Variants in IL1RAP observed in about 807,000 individuals in gnomAD.
The protein encoded by IL1RAP is interleukin 1 receptor accessory protein.
Under a neutral mutation model 60.7 loss-of-function variants are expected in IL1RAP, and 35 were observed. That is an observed-to-expected ratio of 0.58 (90% CI 0.44 to 0.76). The LOEUF (loss-of-function observed/expected upper bound fraction) is 0.76, where lower values mean the gene tolerates loss of function less well. IL1RAP is among the 30% of genes least tolerant of loss of function. The probability of loss-of-function intolerance (pLI) is 0.00; values close to 1 mark genes in which losing one functional copy is unlikely to be tolerated. For synonymous variants in IL1RAP, 268 were observed against 250.9 expected, an observed-to-expected ratio of 1.07 and a Z score of -0.64; for missense variants, 572 against 693.9, an observed-to-expected ratio of 0.82 and a Z score of 1.97.
chr3:190,605,333 G>GA (rs949649162), intron 4 of IL1RAP, among the ~76,000 whole-genome samples: 21 of 149,944 alleles, frequency 1.4e-4, no homozygotes, highest in Non-Finnish European at 2.1e-4. Flanking sequence ...TGTTTTTGGG[G>GA]AAAAAAACAA....
chr3:190,566,682 A>T (rs1254922847), intron 3 of IL1RAP, among the ~76,000 whole-genome samples: 1 of 152,182 alleles, frequency 6.6e-6, no homozygotes, highest in African/African-American at 2.4e-5. Flanking sequence ...TGCCTTCCTT[A>T]TGAAGAGGTG....
Position 190,649,751 on chromosome 3 carries a change from C to T in IL1RAP, c.*1046C>T. ...GGCATTAATATTCTAAGAGAATTAA[C>T]TGTATTTCCTGTCACCTATTCACTA... On this transcript the variant is annotated 3_prime_UTR_variant, in exon 12 of 12. Coordinates refer to ENST00000447382, the MANE Select transcript of IL1RAP (RefSeq NM_002182.4). 5 of 985,626 alleles carry T rather than the reference C, an allele frequency of 5.1e-6. No individual in the cohort carries two copies. The South Asian group carries it at 1.4e-4, about 28-fold the overall frequency. The allele number at this position is 985,626 out of a possible 1,614,324, so 61.1% of individuals were successfully genotyped here.
downstream of IL1RAP, chr3:190,656,066 C>CGCACCCAG: frequency 6.5e-7 from 1 of 1,537,212 alleles, no homozygotes. Context: ...CTTGAGCACC[C>CGCACCCAG]GCACCCAGGC....
At chr3:190,553,291 A>G (rs1725032473) in intron 1 of IL1RAP, among the ~76,000 whole-genome samples, 1 of 152,238 alleles carries the variant, frequency 6.6e-6, no homozygotes, top group South Asian at 2.1e-4. Flanking sequence ...TTTCATAATT[A>G]AAACTTTACA....
At chr3:190,646,619 A>G (rs983563337) in intron 11 of IL1RAP, among the ~76,000 whole-genome samples, 1 of 152,214 alleles carries the variant, frequency 6.6e-6, no homozygotes, top group Non-Finnish European at 1.5e-5. Context: ...TAATAAATAT[A>G]TAAGTTACAT....
chr3:190,518,294 A>C (rs1276193287), intron 1 of IL1RAP, among the ~76,000 whole-genome samples: 2 of 152,158 alleles, frequency 1.3e-5, no homozygotes, highest in African/African-American at 4.8e-5. Context: ...TTAGAAGCTT[A>C]AGTCCCTATT....
intron 4 of IL1RAP, among the ~76,000 whole-genome samples, 167 bp from the exon 5 acceptor site, chr3:190,608,828 C>CGATTCGTG (rs1553847804): frequency 2.1e-4 from 32 of 151,418 alleles, no homozygotes; most frequent in Non-Finnish European, 4.1e-4. Context: ...TCTGTGATGT[C>CGATTCGTG]AATTCGTGTA....
chr3:190,624,657 A>G, intron 7 of IL1RAP: 1 of 209,464 alleles, frequency 4.8e-6, no homozygotes, highest in East Asian at 1.1e-4. Flanking sequence ...GTAGTTGTTC[A>G]TGGAAAGCTG....
chr3:190,567,462 C>A (rs936802686), intron 3 of IL1RAP, among the ~76,000 whole-genome samples: 2 of 152,290 alleles, frequency 1.3e-5, no homozygotes, highest in African/African-American at 2.4e-5. Flanking sequence ...GTTGTAACTA[C>A]CTTTGTTGGG....
At chr3:190,587,331 G>A (rs1454857242) in intron 3 of IL1RAP, among the ~76,000 whole-genome samples, 1 of 152,128 alleles carries the variant, frequency 6.6e-6, no homozygotes, top group African/African-American at 2.4e-5. Flanking sequence ...TTAAATGAGG[G>A]CCATAATAAA....
At position 190,599,701 on chromosome 3, in the gene IL1RAP, G is replaced by GT. The variant is rs1191544633; in HGVS notation, c.65-4412dup. On this transcript the variant is annotated intron_variant, in intron 3 of 11. Coordinates refer to ENST00000447382, the MANE Select transcript of IL1RAP (RefSeq NM_002182.4). ...ATTGAGAACTTTCTTGGTATTTTGGGTTTTTTTTTTTTTTTGAAAGGTGTG... is the reference window on the plus strand; with the variant it reads ...ATTGAGAACTTTCTTGGTATTTTGGGTTTTTTTTTTTTTTTTGAAAGGTGTG... 6.8e-3 allele frequency among the ~76,000 whole-genome samples: 921 copies of GT among 135,000 alleles called. 6 individuals carry two copies. The highest frequency in any genetic ancestry group is 0.01 in the African/African-American group (376 of 37,180). 88.6% of individuals were successfully genotyped at this position (135,000 alleles called of 152,430 possible). A position where few individuals can be genotyped will look rare whatever the true frequency, so the allele number is the denominator to read the frequency against.
chr3:190,522,437 AT>A (rs1560136036), intron 1 of IL1RAP, among the ~76,000 whole-genome samples: 2 of 146,894 alleles, frequency 1.4e-5, no homozygotes, highest in East Asian at 3.9e-4. Context: ...CTATCTATCT[AT>A]CTATCTATCT....
intron 11 of IL1RAP, among the ~76,000 whole-genome samples, 153 bp downstream of exon 11, chr3:190,645,995 C>T (rs773220673): frequency 5.3e-5 from 8 of 152,250 alleles, no homozygotes; most frequent in Non-Finnish European, 1.0e-4. Flanking sequence ...AATAAAACTA[C>T]GTTGGAAATG....
At chr3:190,607,087 G>A (rs545411013) in intron 4 of IL1RAP, among the ~76,000 whole-genome samples, 1 of 152,178 alleles carries the variant, frequency 6.6e-6, no homozygotes, top group Non-Finnish European at 1.5e-5. Flanking sequence ...CACCTTCTGA[G>A]CGTTGTCACA....
chr3:190,583,155 T>G (rs1728150465), intron 3 of IL1RAP, among the ~76,000 whole-genome samples: 1 of 152,214 alleles, frequency 6.6e-6, no homozygotes, highest in Non-Finnish European at 1.5e-5. Flanking sequence ...TGTTGTTAAT[T>G]GGGTAATTAT....
intron 10 of IL1RAP, among the ~76,000 whole-genome samples, chr3:190,645,326 T>C (rs1444148453): frequency 2.6e-5 from 4 of 152,238 alleles, no homozygotes; most frequent in Non-Finnish European, 5.9e-5. Context: ...CACAAGGTTT[T>C]ACTCAATTTG....
downstream of IL1RAP, among the ~76,000 whole-genome samples, chr3:190,653,150 T>C (rs1343835000): frequency 6.6e-6 from 1 of 152,234 alleles, no homozygotes; most frequent in Non-Finnish European, 1.5e-5. Context: ...CTATTACTCT[T>C]ATAAATCCAC....
At chr3:190,558,642 G>A (rs1376235282) in intron 2 of IL1RAP, among the ~76,000 whole-genome samples, 1 of 152,076 alleles carries the variant, frequency 6.6e-6, no homozygotes, top group Non-Finnish European at 1.5e-5. Context: ...TTTCTTGTAT[G>A]ATTCCTCCAA....
Position 190,639,227 on chromosome 3 carries a change from T to G in IL1RAP, c.1052-5021T>G, listed in dbSNP as rs559182346. On this transcript the variant is annotated intron_variant, in intron 9 of 11. Coordinates refer to ENST00000447382, the MANE Select transcript of IL1RAP (RefSeq NM_002182.4). ...AAATATGTCTAGCTTTCCCCCTCAC[T>G]CTTTCTCTTCTTTTAGTACTCCAGC... Among the ~76,000 whole-genome samples, 41 of 152,274 alleles carry G rather than the reference T, an allele frequency of 2.7e-4. 1 individual carries two copies. In the Middle Eastern group the frequency reaches 0.02, roughly 76 times the overall value.
Sources: gnomAD v4.1 joint callset for allele counts (sites outside exome capture counted in the v4.1 genomes callset) on GRCh38, gnomAD v4.1.1 for gene constraint, MANE v1.5 for transcripts, NCBI Gene and HGNC (gene_info 2026-07-23, HGNC 2026-07-21) for gene names.